FRY: variants seen among roughly 807,000 people sequenced by gnomAD.
FRY encodes protein furry homolog.
Under a neutral mutation model 348.4 loss-of-function variants are expected in FRY, and 128 were observed. The observed-to-expected ratio is 0.37, with a 90% CI of 0.32 to 0.43. The LOEUF is 0.43. Among genes scored for constraint, FRY ranks in the 20% least tolerant of loss-of-function variants. The pLI is 1.00. For synonymous variants in FRY, 1,370 were observed against 1,374.7 expected (o/e 1.00, Z 0.08); for missense variants, 2,736 against 3,695.2 (o/e 0.74, Z 6.73).
At chr13:32,167,158 C>T (rs1362369775) in intron 17 of FRY, among the ~76,000 whole-genome samples, 2 of 152,194 alleles carry the variant, frequency 1.3e-5, no homozygotes, top group African/African-American at 4.8e-5. Context: ...GAAAATAGAC[C>T]ATGACATGGC....
intron 29 of FRY, among the ~76,000 whole-genome samples, chr13:32,197,097 T>G (rs1321273212): frequency 6.6e-6 from 1 of 152,244 alleles, no homozygotes; most frequent in African/African-American, 2.4e-5. Context: ...TTATTTTTAC[T>G]TTTACCTTCC....
rs759018395 is a variant in FRY, at chr13:32,267,372, A to T, written c.8136+13A>T. 1 of 1,610,796 alleles carries T rather than the reference A, an allele frequency of 6.2e-7. No homozygotes were observed. The highest frequency in any genetic ancestry group is 1.1e-5 in the South Asian group (1 of 91,024). ...CTCCTTGTTTAAGGTATGTGTGCTC[A>T]CTGAAAGTGCAGAGGACTTAGTTTC... On this transcript the variant is annotated intron_variant, in intron 55 of 60. Coordinates refer to ENST00000542859, the MANE Select transcript of FRY (RefSeq NM_023037.3).
chr13:32,225,412 A>G (rs1201451967), intron 38 of FRY, among the ~76,000 whole-genome samples: 3 of 152,230 alleles, frequency 2.0e-5, no homozygotes, highest in South Asian at 4.1e-4. Flanking sequence ...TTTGTAGAGC[A>G]AAAATGGGAA....
chr13:32,137,340 A>G (rs1161180488), intron 11 of FRY, among the ~76,000 whole-genome samples: 1 of 152,192 alleles, frequency 6.6e-6, no homozygotes, highest in African/African-American at 2.4e-5. Context: ...AAGCTCACTT[A>G]TACCTTCCCA....
At chr13:32,077,215 G>A (rs1875135044) in intron 1 of FRY, among the ~76,000 whole-genome samples, 1 of 152,196 alleles carries the variant, frequency 6.6e-6, no homozygotes, top group African/African-American at 2.4e-5. Flanking sequence ...CCAAGCCAGG[G>A]TGCTGAGGCT....
At chr13:32,131,949 C>T (rs867766425) in intron 8 of FRY, 109 bp downstream of exon 8, 11 of 849,050 alleles carry the variant, frequency 1.3e-5, no homozygotes, top group Middle Eastern at 3.0e-4. Flanking sequence ...TACGGAGAAA[C>T]ATTCTACTGT....
intron 2 of FRY, among the ~76,000 whole-genome samples, chr13:32,079,997 C>T (rs1875374791): frequency 6.6e-6 from 1 of 152,204 alleles, no homozygotes; most frequent in Non-Finnish European, 1.5e-5. Context: ...TGATGCACAT[C>T]ATCAGTTAAA....
intron 36 of FRY, among the ~76,000 whole-genome samples, chr13:32,221,140 G>A (rs973735518): frequency 1.3e-4 from 20 of 152,152 alleles, no homozygotes; most frequent in African/African-American, 4.8e-4. Flanking sequence ...GATGTTCTTG[G>A]TTCTGGTTTT....
rs773573210 is a variant in FRY, at chr13:32,239,811, A to G, written c.6617A>G (p.Asn2206Ser). The change falls in exon 46 of 61, where the codon AAT becomes AGT. Residue 2206 changes from asparagine (N) to serine (S), a missense_variant. Physicochemically the swap from Asn to Ser is conservative, Grantham distance 46 (BLOSUM62 1). Transcript: ENST00000542859. This position sits in a 1 kb window ranked among gnomAD's most constrained non-coding sequence, Gnocchi z 4.3. ...SYTRDCATWV[N>S]VVCRYLHEAY... ...ACGAGGGACTGTGCCACGTGGGTCA[A>G]TGTGGTCTGTCGATACCTTCATGAA... The G allele has an allele frequency of 1.3e-5, 21 of 1,614,140 alleles. No individual in the cohort carries two copies. The South Asian group carries it at 2.0e-4, about 15-fold the overall frequency.
chr13:32,143,288 A>C lies in FRY; in HGVS notation c.1180-3994A>C, dbSNP rs78925685. Among the ~76,000 whole-genome samples the C allele has an allele frequency of 5.1e-3, 782 of 152,356 alleles. 5 individuals carry two copies. The highest frequency in any genetic ancestry group is 0.018 in the African/African-American group (753 of 41,576). ...GGAAGAGAGGCCAGAAAATCCATTT[A>C]GGAGGCAGTTGCAATGATCTGATAT... On this transcript the variant is annotated intron_variant, in intron 11 of 60. Transcript: ENST00000542859.
In FRY at chr13:32,262,428, G is replaced by T; in HGVS notation, c.7732G>T (p.Ala2578Ser). Residue 2578 changes from alanine (A) to serine (S), a missense_variant, in exon 53 of 61, where the codon GCT (alanine) becomes TCT (serine). Around this residue, in one of 9 missense-constraint regions of FRY, gnomAD observed 789 missense variants for 996.2 expected, o/e 0.79. Coordinates refer to ENST00000542859, the MANE Select transcript of FRY (RefSeq NM_023037.3). ...SFNTRMSSFD[A>S]SLPDMNNLQI... is the part of the protein sequence containing the mutation. Reference sequence around the variant, plus strand: ...TAACACCAGAATGTCCAGCTTTGATGCTTCCTTGCCTGATATGAATAATCT... The same window carrying T: ...TAACACCAGAATGTCCAGCTTTGATTCTTCCTTGCCTGATATGAATAATCT... 1 of 1,613,534 alleles carries T rather than the reference G, an allele frequency of 6.2e-7. No homozygotes were observed. The highest frequency in any genetic ancestry group is 8.5e-7 in the Non-Finnish European group (1 of 1,179,570).
intron 8 of FRY, among the ~76,000 whole-genome samples, chr13:32,133,771 T>TC (rs1298468054): frequency 4.1e-4 from 57 of 137,386 alleles, no homozygotes; most frequent in African/African-American, 1.3e-3. Flanking sequence ...TTTCTTTCTT[T>TC]TTTTTTTTTT....
At chr13:32,051,043 A>G (rs1418010554) in intron 1 of FRY, among the ~76,000 whole-genome samples, 1 of 152,182 alleles carries the variant, frequency 6.6e-6, no homozygotes, top group Non-Finnish European at 1.5e-5. Context: ...ATCTATACCA[A>G]TATGGTTGAG....
At chr13:32,226,078 C>T in intron 39 of FRY, 104 bp downstream of exon 39, 1 of 889,718 alleles carries the variant, frequency 1.1e-6, no homozygotes, top group Non-Finnish European at 1.9e-6. Flanking sequence ...ATGCTATGAC[C>T]TCCAACTTTC....
At position 32,262,368 on chromosome 13, in the gene FRY, G is replaced by A. The variant is rs201419637; in HGVS notation, c.7672G>A (p.Ala2558Thr). The stretch of plus-strand genomic sequence containing the variant: ...GAATCCCATGGAGCTGCTCACCACA[G>A]CCTGTGACTCGACCCCTGCAGAACC... ...ETNPMELLTTACDSTPAEPHS... is the reference protein window; with the variant it reads ...ETNPMELLTTTCDSTPAEPHS... Residue 2558 changes from alanine to threonine, a missense_variant, in exon 53 of 61, where the codon GCC becomes ACC. Ala to Thr is a moderately conservative substitution (Grantham distance 58, BLOSUM62 0). Around this residue, in one of 9 missense-constraint regions of FRY, gnomAD observed 789 missense variants for 996.2 expected, o/e 0.79. Coordinates refer to ENST00000542859, the MANE Select transcript of FRY (RefSeq NM_023037.3). 2.4e-4 allele frequency: 381 copies of A among 1,613,670 alleles called. 3 individuals are homozygous for A. The highest frequency in any genetic ancestry group is 2.0e-3 in the Middle Eastern group (12 of 6,062).
rs181444457 is a variant in FRY at position 32,077,047 on chromosome 13, T to A, written c.71-1787T>A. ...ACGGAGATGAGACTAGAAGTGGCTC[T>A]GAAAGAAGAGGAGGAAGAGATGGGC... On this transcript the variant is annotated intron_variant, in intron 1 of 60. Transcript: ENST00000542859. 1.7e-3 allele frequency among the ~76,000 whole-genome samples: 264 copies of A among 152,156 alleles called. 3 individuals are homozygous for A. Among genetic ancestry groups the A allele is most frequent in the African/African-American group, 6.1e-3 (252 of 41,512 alleles).
At chr13:32,244,644 T>C (rs896178623) in intron 47 of FRY, among the ~76,000 whole-genome samples, 1 of 152,198 alleles carries the variant, frequency 6.6e-6, no homozygotes. Flanking sequence ...TGCAGAAATA[T>C]ACTTGAAAAT....
chr13:32,198,291 A>G (rs1278333756), intron 29 of FRY, among the ~76,000 whole-genome samples: 3 of 152,192 alleles, frequency 2.0e-5, no homozygotes, highest in Admixed American at 6.5e-5. Flanking sequence ...ATATATATGT[A>G]TATTTGTATA....
chr13:32,266,298 A>AACACCTAG (rs1436645535), intron 54 of FRY, among the ~76,000 whole-genome samples: 1 of 152,216 alleles, frequency 6.6e-6, no homozygotes, highest in Non-Finnish European at 1.5e-5. Context: ...AGGTTAAGGT[A>AACACCTAG]ACACCTAGAG....
Sources: allele counts gnomAD v4.1 joint callset (sites outside exome capture counted in the v4.1 genomes callset), GRCh38; gene constraint gnomAD v4.1.1; regional missense constraint gnomAD v4.1.1; non-coding constraint Gnocchi (gnomAD v3.1); transcripts MANE v1.5; gene names NCBI Gene and HGNC (gene_info 2026-07-23, HGNC 2026-07-21).